Variants in DLGAP2 observed in about 807,000 individuals in gnomAD.
DLGAP2 encodes the protein disks large-associated protein 2.
DLGAP2 carries 26 observed loss-of-function variants against 100.3 expected under a neutral mutation model. That is an observed-to-expected ratio of 0.26 (90% confidence interval 0.19 to 0.36). The LOEUF (loss-of-function observed/expected upper bound fraction) is 0.36. Ranked by LOEUF, DLGAP2 falls within the 10% of genes least tolerant of loss-of-function variation. DLGAP2 has a pLI of 1.00. For synonymous variants in DLGAP2, 886 were observed against 630.1 expected, an observed-to-expected ratio of 1.41 and a Z score of -6.08; for missense variants, 1,858 against 1,453.2, an observed-to-expected ratio of 1.28 and a Z score of -4.53.
chr8:837,203 G>C (rs1034938839), intron 1 of DLGAP2, among the ~76,000 whole-genome samples: 2 of 152,168 alleles, frequency 1.3e-5, no homozygotes, highest in Non-Finnish European at 2.9e-5. Context: ...GGGATCTCGC[G>C]GGCCGTGTGC....
chr8:1,528,369 T>C (rs1460064129), intron 4 of DLGAP2, among the ~76,000 whole-genome samples: 1 of 152,186 alleles, frequency 6.6e-6, no homozygotes, highest in Non-Finnish European at 1.5e-5. Flanking sequence ...CCCACCCCAG[T>C]GCCAGGGATG....
At chr8:858,808 G>C (rs1797335040) in intron 1 of DLGAP2, among the ~76,000 whole-genome samples, 1 of 152,226 alleles carries the variant, frequency 6.6e-6, no homozygotes, top group Admixed American at 6.5e-5. Flanking sequence ...TGTCATTGTG[G>C]CCACATGCCA....
intron 1 of DLGAP2, among the ~76,000 whole-genome samples, chr8:819,159 G>T (rs1021359732): frequency 2.0e-5 from 3 of 152,196 alleles, no homozygotes; most frequent in Non-Finnish European, 4.4e-5. Context: ...TTAGCCAGTT[G>T]AATCTAGTTC....
intron 8 of DLGAP2, among the ~76,000 whole-genome samples, chr8:1,654,612 G>A (rs140514560): frequency 0.037 from 5,315 of 143,678 alleles, 132 homozygotes; most frequent in South Asian, 0.069. Flanking sequence ...AGTGAGCTGC[G>A]ATCACGCCAT....
At chr8:1,485,710 G>C (rs1799219221) in intron 3 of DLGAP2, among the ~76,000 whole-genome samples, 1 of 152,208 alleles carries the variant, frequency 6.6e-6, no homozygotes, top group South Asian at 2.1e-4. Context: ...ACCTTTGAAA[G>C]GGCCCAGGGA....
rs533657127 is a variant in DLGAP2 at position 1,251,994 on chromosome 8, T to G, written c.74-6857T>G. On this transcript the variant is annotated intron_variant, in intron 2 of 14. Transcript: ENST00000637795. ...ATGTCACACTTGTCACACTGTGGTG[T>G]TGTCACGTGGGTGTGTTGTGTTGTC... is the stretch of plus-strand genomic sequence containing the variant. Among the ~76,000 whole-genome samples the G allele has an allele frequency of 1.4e-4, 21 of 152,268 alleles. No individual in the cohort carries two copies. In the East Asian group the frequency reaches 2.1e-3, roughly 15 times the overall value.
At chr8:901,192 T>G (rs1426552230) in intron 1 of DLGAP2, among the ~76,000 whole-genome samples, 1 of 152,160 alleles carries the variant, frequency 6.6e-6, no homozygotes, top group Non-Finnish European at 1.5e-5. Context: ...GAGGCTGATG[T>G]AGGAGGATTG....
At chr8:1,242,785 C>T (rs560384553) in intron 2 of DLGAP2, among the ~76,000 whole-genome samples, 5 of 151,940 alleles carry the variant, frequency 3.3e-5, no homozygotes, top group South Asian at 2.1e-4. Flanking sequence ...GATGGATAGA[C>T]GGACAGATAG....
At chr8:757,890 G>T (rs541575082) in intron 1 of DLGAP2, among the ~76,000 whole-genome samples, 18 of 152,150 alleles carry the variant, frequency 1.2e-4, no homozygotes, top group East Asian at 7.7e-4. Flanking sequence ...TCCCAAATGC[G>T]TCTTGTCTCC....
Position 973,351 on chromosome 8 carries a change from C to T in DLGAP2, c.73+65385C>T, listed in dbSNP as rs369400498. 2.9e-4 allele frequency among the ~76,000 whole-genome samples: 44 copies of T among 151,906 alleles called. No homozygotes were observed. The East Asian group carries it at 8.2e-3, about 28-fold the overall frequency. On this transcript the variant is annotated intron_variant, in intron 2 of 14. Transcript: ENST00000637795. Reference sequence around the variant, plus strand: ...GCCGGGCGGAGACGCTCCTCACTTCCCAGACGGGGTGGCTGCCGGGCGGAG... The same window carrying T: ...GCCGGGCGGAGACGCTCCTCACTTCTCAGACGGGGTGGCTGCCGGGCGGAG...
chr8:1,610,856 G>C (rs1166003948), intron 6 of DLGAP2, among the ~76,000 whole-genome samples: 1 of 142,288 alleles, frequency 7.0e-6, no homozygotes, highest in Non-Finnish European at 1.5e-5. Context: ...TTGAATCTCT[G>C]AATAGACCAA....
At chr8:1,629,351 G>T (rs915373258) in intron 7 of DLGAP2, among the ~76,000 whole-genome samples, 3 of 152,154 alleles carry the variant, frequency 2.0e-5, no homozygotes, top group Non-Finnish European at 4.4e-5. Flanking sequence ...CAATGACAAG[G>T]AAAGACCGTC....
intron 2 of DLGAP2, among the ~76,000 whole-genome samples, chr8:1,065,417 A>G (rs1165253410): frequency 3.3e-5 from 5 of 152,252 alleles, no homozygotes; most frequent in African/African-American, 1.2e-4. Flanking sequence ...TTGTTAAAAC[A>G]GCACTGTATT....
At chr8:1,251,139 C>G (rs544442159) in intron 2 of DLGAP2, among the ~76,000 whole-genome samples, 3 of 152,328 alleles carry the variant, frequency 2.0e-5, no homozygotes, top group African/African-American at 4.8e-5. Flanking sequence ...ACCCGTGCAA[C>G]AAGCAATATC....
chr8:1,021,606 A>G (rs1289800874), intron 2 of DLGAP2, among the ~76,000 whole-genome samples: 1 of 152,220 alleles, frequency 6.6e-6, no homozygotes, highest in East Asian at 1.9e-4. Flanking sequence ...CTATTGATAT[A>G]AGAGGTCAGA....
intron 8 of DLGAP2, among the ~76,000 whole-genome samples, chr8:1,636,622 G>C (rs1359796692): frequency 1.3e-5 from 2 of 152,120 alleles, no homozygotes; most frequent in African/African-American, 2.4e-5. Context: ...TACAATAAAA[G>C]ACAGTGTTTT....
chr8:1,092,997 C>T (rs1220886569), intron 2 of DLGAP2, among the ~76,000 whole-genome samples: 1 of 152,204 alleles, frequency 6.6e-6, no homozygotes, highest in Non-Finnish European at 1.5e-5. Context: ...GGTCCGAAAT[C>T]CCCAGAGTAG....
intron 6 of DLGAP2, among the ~76,000 whole-genome samples, chr8:1,597,272 T>G (rs1254132590): frequency 6.6e-6 from 1 of 152,232 alleles, no homozygotes; most frequent in Non-Finnish European, 1.5e-5. Context: ...TGTGGCCTTG[T>G]AGTATAGTTT....
chr8:875,511 C>T (rs1464207391), intron 1 of DLGAP2, among the ~76,000 whole-genome samples: 2 of 152,174 alleles, frequency 1.3e-5, no homozygotes, highest in African/African-American at 4.8e-5. Context: ...CATTCTTCTC[C>T]TTTCTGCTGC....
Sources: allele counts gnomAD v4.1 joint callset (sites outside exome capture counted in the v4.1 genomes callset), GRCh38; gene constraint gnomAD v4.1.1; transcripts MANE v1.5; gene names NCBI Gene and HGNC (gene_info 2026-07-23, HGNC 2026-07-21).